The following GABBR2 variants were observed in gnomAD, a reference collection of about 807,000 sequenced individuals.
The protein encoded by GABBR2 is gamma-aminobutyric acid type B receptor subunit 2, also known as G-protein coupled receptor 51.
A neutral mutation model predicts 105.6 loss-of-function variants in GABBR2; 23 were observed. The observed-to-expected ratio is 0.22, with a 90% CI of 0.16 to 0.31. The LOEUF (loss-of-function observed/expected upper bound fraction) is 0.31. GABBR2 is among the 10% of genes least tolerant of loss of function. The probability of loss-of-function intolerance (pLI) is 1.00; values close to 1 mark genes in which losing one functional copy is unlikely to be tolerated. For missense variants in GABBR2, 734 were observed against 1,245.5 expected (o/e 0.59, Z 6.18); for synonymous variants, 478 against 499.7 (o/e 0.96, Z 0.58).
intron 7 of GABBR2, among the ~76,000 whole-genome samples, chr9:98,438,172 T>TATCCATCC (rs34647195): frequency 3.3e-4 from 47 of 143,828 alleles, no homozygotes; most frequent in East Asian, 1.8e-3. Flanking sequence ...TCCATCTACC[T>TATCCATCC]ATCCATCCAT....
At chr9:98,534,332 G>GT (rs1320894925) in intron 3 of GABBR2, among the ~76,000 whole-genome samples, 1 of 15,772 alleles carries the variant, frequency 6.3e-5, no homozygotes, top group Non-Finnish European at 1.7e-4. Context: ...GAGTCTTGGA[G>GT]CTTGGAGCTT....
rs1296658969 is a variant in GABBR2 at position 98,363,278 on chromosome 9, T to TC, written c.1771-442_1771-441insG. 2.4e-3 allele frequency among the ~76,000 whole-genome samples: 367 copies of TC among 152,300 alleles called. 2 individuals are homozygous for TC. The highest frequency in any genetic ancestry group is 8.6e-3 in the African/African-American group (356 of 41,558). On this transcript the variant is annotated intron_variant, in intron 12 of 18. Coordinates refer to ENST00000259455, the MANE Select transcript of GABBR2 (RefSeq NM_005458.8). ...ATTACTCCATAGCGCTTTGTCCACA[T>TC]ACTTAATTATCAGGAGGAACCACAG...
intron 7 of GABBR2, among the ~76,000 whole-genome samples, chr9:98,433,205 C>A (rs1323325232): frequency 3.9e-5 from 6 of 152,120 alleles, no homozygotes; most frequent in African/African-American, 1.4e-4. Context: ...AGGGACTCTG[C>A]CAAATTAGTG....
chr9:98,417,301 G>A (rs1358504405), intron 7 of GABBR2, among the ~76,000 whole-genome samples: 1 of 152,186 alleles, frequency 6.6e-6, no homozygotes, highest in Non-Finnish European at 1.5e-5. Context: ...CAGGGTAAGA[G>A]GACTGAGAGA....
chr9:98,566,798 CAAAAAAAAAAA>C lies in GABBR2; in HGVS notation c.459+11126_459+11136del, dbSNP rs55752458. ...GGAGGTCAAGGCTGCAAGACACTGT[CAAAAAAAAAAA>C]AAAAAAAAAAAAGGCGACAAAGAAA... On this transcript the variant is annotated intron_variant, in intron 2 of 18. Transcript: ENST00000259455. 1.8e-3 allele frequency among the ~76,000 whole-genome samples: 159 copies of C among 88,210 alleles called. 2 individuals are homozygous for C. Among genetic ancestry groups the C allele is most frequent in the African/African-American group, 6.6e-3 (148 of 22,570 alleles). 57.9% of individuals were successfully genotyped at this position (88,210 alleles called of 152,430 possible).
At chr9:98,595,282 G>T (rs1829216876) in intron 1 of GABBR2, among the ~76,000 whole-genome samples, 1 of 151,838 alleles carries the variant, frequency 6.6e-6, no homozygotes, top group Non-Finnish European at 1.5e-5. Flanking sequence ...ATTCATGAGG[G>T]CTCCACCCTC....
intron 1 of GABBR2, among the ~76,000 whole-genome samples, chr9:98,579,055 A>G (rs1365370374): frequency 6.6e-6 from 1 of 152,196 alleles, no homozygotes; most frequent in African/African-American, 2.4e-5. Context: ...TAGCTCAGCA[A>G]TGTAGATGTA....
Position 98,288,325 on chromosome 9 carries a change from G to A in GABBR2, c.*2259C>T, listed in dbSNP as rs942682728. 2 of 152,590 alleles carry A rather than the reference G, an allele frequency of 1.3e-5. No individual in the cohort carries two copies. Among genetic ancestry groups the A allele is most frequent in the Non-Finnish European group, 2.9e-5 (2 of 68,024 alleles). 9.5% of individuals were successfully genotyped at this position (152,590 alleles called of 1,614,324 possible). On this transcript the variant is annotated 3_prime_UTR_variant, in exon 19 of 19. Coordinates refer to ENST00000259455, the MANE Select transcript of GABBR2 (RefSeq NM_005458.8). Reference sequence around the variant, plus strand: ...AGAACAGAACCATTAAGTAGCTAGAGTCACTTCTGTGGGTCTTGTTATTTG... The same window carrying A: ...AGAACAGAACCATTAAGTAGCTAGAATCACTTCTGTGGGTCTTGTTATTTG...
At chr9:98,607,234 A>T in intron 1 of GABBR2, 1 of 1,413,316 alleles carries the variant, frequency 7.1e-7, no homozygotes. Context: ...GACTACATTG[A>T]TAATAAACTT....
intron 1 of GABBR2, among the ~76,000 whole-genome samples, chr9:98,625,722 T>A (rs746862158): frequency 3.3e-5 from 5 of 152,136 alleles, no homozygotes; most frequent in Admixed American, 3.3e-4. Context: ...AGACCTAAGA[T>A]GAATCAAATC....
At chr9:98,673,388 A>T (rs1029029607) in intron 1 of GABBR2, among the ~76,000 whole-genome samples, 1 of 152,230 alleles carries the variant, frequency 6.6e-6, no homozygotes, top group Non-Finnish European at 1.5e-5. Flanking sequence ...TGCAGAGGAC[A>T]ACTAATGAGG....
intron 15 of GABBR2, among the ~76,000 whole-genome samples, chr9:98,305,644 G>A (rs1451315504): frequency 1.3e-5 from 2 of 152,106 alleles, no homozygotes; most frequent in South Asian, 2.1e-4. Flanking sequence ...GGGAGACCCC[G>A]TCTCTATAAA....
chr9:98,408,478 G>A (rs1013183864), intron 7 of GABBR2, among the ~76,000 whole-genome samples: 3 of 152,200 alleles, frequency 2.0e-5, no homozygotes, highest in Admixed American at 6.5e-5. Context: ...CTGGATAGGG[G>A]ACCACTGTGC....
intron 1 of GABBR2, among the ~76,000 whole-genome samples, chr9:98,586,377 G>A (rs1319493479): frequency 1.4e-5 from 2 of 146,468 alleles, no homozygotes; most frequent in Middle Eastern, 3.4e-3. Context: ...TTGGCTCACT[G>A]CAACTTCTGC....
chr9:98,508,080 C>T (rs1269094788), intron 3 of GABBR2, among the ~76,000 whole-genome samples: 2 of 152,072 alleles, frequency 1.3e-5, no homozygotes, highest in East Asian at 1.9e-4. Flanking sequence ...GTTCCAGACT[C>T]GAGGGACCAA....
At chr9:98,362,889 C>A in intron 12 of GABBR2, 52 bp from the exon 13 acceptor site, 1 of 1,434,222 alleles carries the variant, frequency 7.0e-7, no homozygotes, top group Non-Finnish European at 9.2e-7. Context: ...CAGCTTCCCA[C>A]GCAGCAACTG....
At position 98,323,048 on chromosome 9, in the gene GABBR2, T is replaced by A. The variant is rs181726022; in HGVS notation, c.1894-11843A>T. Among the ~76,000 whole-genome samples, 506 of 151,834 alleles carry A rather than the reference T, an allele frequency of 3.3e-3. 3 individuals are homozygous for A. The highest frequency in any genetic ancestry group is 0.02 in the Middle Eastern group (6 of 294). ...AGACACGAGCGCCAGCACCACACCA[T>A]TTTAGGGGACATTAAACGAGGCTCC... On this transcript the variant is annotated intron_variant, in intron 13 of 18. Coordinates refer to ENST00000259455, the MANE Select transcript of GABBR2 (RefSeq NM_005458.8).
chr9:98,550,128 C>T (rs531103820), intron 2 of GABBR2, among the ~76,000 whole-genome samples: 1 of 152,336 alleles, frequency 6.6e-6, no homozygotes, highest in East Asian at 1.9e-4. Flanking sequence ...AACTGCCCCC[C>T]ACCCATCACC....
chr9:98,299,445 C>G (rs1351977413), intron 16 of GABBR2, 92 bp from the exon 17 acceptor site: 1 of 1,405,808 alleles, frequency 7.1e-7, no homozygotes, highest in Non-Finnish European at 1.0e-6. Flanking sequence ...AGGGCTGGGC[C>G]TTTACCTGTA....
Sources: gnomAD v4.1 joint callset for allele counts (sites outside exome capture counted in the v4.1 genomes callset) on GRCh38, gnomAD v4.1.1 for gene constraint, MANE v1.5 for transcripts, NCBI Gene and HGNC (gene_info 2026-07-23, HGNC 2026-07-21) for gene names.